PLXDC2: variants seen among roughly 807,000 people sequenced by gnomAD.
PLXDC2 encodes plexin domain-containing protein 2.
A neutral mutation model predicts 68.9 loss-of-function variants in PLXDC2; 40 were observed. That is an observed-to-expected ratio of 0.58 (90% CI 0.45 to 0.76). The LOEUF (loss-of-function observed/expected upper bound fraction) is 0.76. Ranked by LOEUF, PLXDC2 falls within the 30% of genes least tolerant of loss-of-function variation. PLXDC2 has a pLI of 0.00. For missense variants in PLXDC2, 644 were observed against 661.9 expected (o/e 0.97, Z 0.30); for synonymous variants, 243 against 234.2 (o/e 1.04, Z -0.34).
intron 1 of PLXDC2, among the ~76,000 whole-genome samples, chr10:19,911,742 C>T (rs867694245): frequency 6.6e-6 from 1 of 152,226 alleles, no homozygotes; most frequent in Middle Eastern, 3.4e-3. Context: ...CTTTTTCTAC[C>T]ATGCCAAGAC....
chr10:20,132,046 G>A (rs985742316), intron 4 of PLXDC2, among the ~76,000 whole-genome samples: 1 of 152,052 alleles, frequency 6.6e-6, no homozygotes, highest in Non-Finnish European at 1.5e-5. Context: ...AGTTATATTT[G>A]CATTTTTGTT....
intron 1 of PLXDC2, among the ~76,000 whole-genome samples, chr10:19,964,807 G>A (rs1288553354): frequency 4.7e-5 from 7 of 149,914 alleles, no homozygotes; most frequent in Non-Finnish European, 8.9e-5. Flanking sequence ...CTCTTTCCCT[G>A]CATTCTATGC....
chr10:20,141,595 A>G (rs539533129), intron 4 of PLXDC2, among the ~76,000 whole-genome samples: 13 of 152,136 alleles, frequency 8.5e-5, no homozygotes, highest in African/African-American at 2.4e-4. Flanking sequence ...TATCTATAGA[A>G]TTTTTGTATT....
intron 1 of PLXDC2, among the ~76,000 whole-genome samples, chr10:19,947,229 A>G (rs764002884): frequency 6.6e-6 from 1 of 152,192 alleles, no homozygotes; most frequent in Non-Finnish European, 1.5e-5. Flanking sequence ...CTTTGATTTT[A>G]TTTCAGTGAG....
intron 4 of PLXDC2, among the ~76,000 whole-genome samples, chr10:20,129,992 A>G (rs1222973125): frequency 6.6e-6 from 1 of 151,758 alleles, no homozygotes; most frequent in Non-Finnish European, 1.5e-5. Context: ...TGGCAGTTAC[A>G]GGCCTTTTGT....
At chr10:19,921,943 C>T (rs1420546508) in intron 1 of PLXDC2, among the ~76,000 whole-genome samples, 4 of 152,118 alleles carry the variant, frequency 2.6e-5, no homozygotes, top group East Asian at 1.9e-4. Context: ...TTGTAACCTC[C>T]GTCTCCCGAG....
chr10:20,218,810 A>G (rs1375009324), intron 11 of PLXDC2, among the ~76,000 whole-genome samples: 1 of 152,186 alleles, frequency 6.6e-6, no homozygotes, highest in African/African-American at 2.4e-5. Context: ...ATTACTGCTT[A>G]CTTTTCTTGT....
chr10:20,110,471 A>G (rs979335029), intron 4 of PLXDC2, among the ~76,000 whole-genome samples: 1 of 152,188 alleles, frequency 6.6e-6, no homozygotes, highest in Non-Finnish European at 1.5e-5. Context: ...ATTTGCCTCA[A>G]TGGTAGTATT....
At chr10:19,927,143 T>C (rs893772998) in intron 1 of PLXDC2, among the ~76,000 whole-genome samples, 2 of 152,180 alleles carry the variant, frequency 1.3e-5, no homozygotes, top group South Asian at 2.1e-4. Flanking sequence ...GGCTAAAACA[T>C]TCAAGGTGCT....
chr10:20,011,640 C>A (rs1425374343), intron 2 of PLXDC2, among the ~76,000 whole-genome samples: 2 of 152,102 alleles, frequency 1.3e-5, no homozygotes, highest in Non-Finnish European at 2.9e-5. Flanking sequence ...ATCGATTAGG[C>A]CTTAAAGACT....
At chr10:20,051,707 T>A (rs112360518) in intron 3 of PLXDC2, among the ~76,000 whole-genome samples, 2 of 151,938 alleles carry the variant, frequency 1.3e-5, no homozygotes, top group African/African-American at 4.8e-5. Flanking sequence ...AAAAAACAAA[T>A]CTCTTATTTG....
intron 1 of PLXDC2, among the ~76,000 whole-genome samples, chr10:19,827,336 C>G (rs1269537582): frequency 1.3e-5 from 2 of 152,272 alleles, no homozygotes; most frequent in East Asian, 3.9e-4. Flanking sequence ...TCTTCAGAAG[C>G]TGGCTATTTC....
At chr10:20,069,266 CTGAG>C (rs1399238378) in intron 4 of PLXDC2, among the ~76,000 whole-genome samples, 1 of 152,142 alleles carries the variant, frequency 6.6e-6, no homozygotes, top group African/African-American at 2.4e-5. Context: ...AGCACCAACT[CTGAG>C]TGATGGTAAA....
At chr10:20,081,737 TA>T (rs905890222) in intron 4 of PLXDC2, among the ~76,000 whole-genome samples, 6 of 151,930 alleles carry the variant, frequency 3.9e-5, no homozygotes, top group African/African-American at 4.8e-5. Context: ...TCCAGGTCAT[TA>T]AATAAAAACA....
At chr10:20,186,799 C>T (rs545419114) in intron 9 of PLXDC2, among the ~76,000 whole-genome samples, 31 of 151,994 alleles carry the variant, frequency 2.0e-4, no homozygotes, top group African/African-American at 7.2e-4. Context: ...ACCATGTTTT[C>T]TTTATCCAGT....
chr10:20,107,322 C>T (rs1833505342), intron 4 of PLXDC2, among the ~76,000 whole-genome samples: 1 of 151,986 alleles, frequency 6.6e-6, no homozygotes, highest in Admixed American at 6.6e-5. Context: ...TGTGTTGTTT[C>T]CCGTTATCCA....
At chr10:20,028,446 A>G (rs1318175200) in intron 2 of PLXDC2, among the ~76,000 whole-genome samples, 2 of 152,090 alleles carry the variant, frequency 1.3e-5, no homozygotes, top group Non-Finnish European at 2.9e-5. Flanking sequence ...ACAACTGATT[A>G]CTCCTAAGAC....
intron 1 of PLXDC2, among the ~76,000 whole-genome samples, chr10:19,995,992 G>A (rs1834837727): frequency 6.6e-6 from 1 of 152,200 alleles, no homozygotes; most frequent in Non-Finnish European, 1.5e-5. Flanking sequence ...GGACAAGGAA[G>A]AGATAGGAAA....
chr10:19,867,474 A>C (rs1276817305), intron 1 of PLXDC2, among the ~76,000 whole-genome samples: 1 of 152,184 alleles, frequency 6.6e-6, no homozygotes, highest in Non-Finnish European at 1.5e-5. Context: ...GGGTATGTTC[A>C]GTTTCTATAA....
Sources: allele counts gnomAD v4.1 joint callset (sites outside exome capture counted in the v4.1 genomes callset), GRCh38; gene constraint gnomAD v4.1.1; transcripts MANE v1.5; gene names NCBI Gene and HGNC (gene_info 2026-07-23, HGNC 2026-07-21).